CCDC12: variants seen among roughly 807,000 people sequenced by gnomAD.
CCDC12 encodes coiled-coil domain containing 12, also known as coiled-coil domain-containing protein 12.
In CCDC12, 28 loss-of-function variants were observed where a neutral mutation model predicts 25.7. The observed-to-expected ratio is 1.09, with a 90% CI of 0.81 to 1.50. The LOEUF (loss-of-function observed/expected upper bound fraction) is 1.50. Among genes scored for constraint, CCDC12 ranks in the 40% most tolerant of loss-of-function variants. The pLI is 0.00. For missense variants in CCDC12, 198 were observed against 210.0 expected (o/e 0.94, Z 0.35); for synonymous variants, 75 against 87.7 (o/e 0.86, Z 0.81).
intron 1 of CCDC12, among the ~76,000 whole-genome samples, chr3:46,970,468 T>C (rs1233980985): frequency 2.0e-5 from 3 of 152,206 alleles, no homozygotes; most frequent in Non-Finnish European, 2.9e-5. Context: ...AGGTGGCCCA[T>C]GGCTACAGTA....
At chr3:46,973,801 A>C (rs1370634768) in intron 1 of CCDC12, among the ~76,000 whole-genome samples, 1 of 151,874 alleles carries the variant, frequency 6.6e-6, no homozygotes, top group East Asian at 1.9e-4. Flanking sequence ...TTTAATAGAG[A>C]CAGGTTTTCA....
intron 1 of CCDC12, among the ~76,000 whole-genome samples, chr3:46,975,632 G>A (rs2034952071): frequency 6.9e-6 from 1 of 145,314 alleles, no homozygotes; most frequent in South Asian, 2.2e-4. Context: ...CTGGGTTGAC[G>A]CCATTCTCCT....
intron 1 of CCDC12, chr3:46,976,435 AC>A: frequency 7.1e-7 from 1 of 1,416,432 alleles, no homozygotes; most frequent in East Asian, 2.6e-5. Flanking sequence ...ATGCGCGACG[AC>A]CGCACCAGCG....
At chr3:46,933,361 G>A (rs990207450) in intron 2 of CCDC12, among the ~76,000 whole-genome samples, 4 of 152,198 alleles carry the variant, frequency 2.6e-5, no homozygotes, top group African/African-American at 4.8e-5. Context: ...GCCAGAGCTG[G>A]CTGGGGATGA....
At chr3:46,963,824 C>T (rs934031865) in intron 1 of CCDC12, among the ~76,000 whole-genome samples, 1 of 152,258 alleles carries the variant, frequency 6.6e-6, no homozygotes, top group South Asian at 2.1e-4. Flanking sequence ...ACCTCCCAGC[C>T]GCCTGCCTTG....
chr3:46,925,618 C>A (rs186172037), intron 2 of CCDC12, 83 bp from the exon 3 acceptor site: 2 of 1,160,666 alleles, frequency 1.7e-6, no homozygotes, highest in Non-Finnish European at 1.2e-6. Flanking sequence ...TTGCATAGCC[C>A]GTGAATTCCT....
intron 1 of CCDC12, among the ~76,000 whole-genome samples, chr3:46,951,798 A>AAAAAAAAAAAAAAAACTAT: frequency 1.2e-4 from 1 of 8,476 alleles, no homozygotes; most frequent in Non-Finnish European, 2.8e-4. Context: ...AAAAAAAAAA[A>AAAAAAAAAAAAAAAACTAT]ATATATATAT....
At chr3:46,927,990 G>A (rs149251750) in intron 2 of CCDC12, among the ~76,000 whole-genome samples, 2 of 152,230 alleles carry the variant, frequency 1.3e-5, no homozygotes, top group East Asian at 3.9e-4. Context: ...TTCCAACACA[G>A]GCCCAAGATT....
chr3:46,928,477 A>G (rs1311195767), intron 2 of CCDC12, among the ~76,000 whole-genome samples: 1 of 152,198 alleles, frequency 6.6e-6, no homozygotes, highest in Non-Finnish European at 1.5e-5. Flanking sequence ...TTGCCATTGA[A>G]CATAGTGGCA....
intron 1 of CCDC12, among the ~76,000 whole-genome samples, chr3:46,952,242 T>G (rs1170998027): frequency 6.6e-6 from 1 of 152,122 alleles, no homozygotes; most frequent in African/African-American, 2.4e-5. Context: ...CATGCTAACT[T>G]CCCATGTTAC....
At chr3:46,976,777 A>C (rs1184751548), upstream of CCDC12, 4 of 1,563,806 alleles carry the variant, frequency 2.6e-6, no homozygotes, top group East Asian at 4.8e-5. Flanking sequence ...TGCATCGCGC[A>C]GGCCTAAGGA....
At chr3:46,973,477 A>G (rs1172862168) in intron 1 of CCDC12, among the ~76,000 whole-genome samples, 1 of 151,252 alleles carries the variant, frequency 6.6e-6, no homozygotes, top group Non-Finnish European at 1.5e-5. Context: ...CCTGGGCAAC[A>G]AGAGCGAAAC....
At chr3:46,953,035 T>C (rs2034176913) in intron 1 of CCDC12, among the ~76,000 whole-genome samples, 1 of 152,168 alleles carries the variant, frequency 6.6e-6, no homozygotes, top group South Asian at 2.1e-4. Flanking sequence ...TGTCATCACA[T>C]GAGAGTTGAC....
chr3:46,922,025 C>T lies in CCDC12; in HGVS notation c.*32G>A. On this transcript the variant is annotated 3_prime_UTR_variant, in exon 7 of 7. Transcript: ENST00000683445. Reference sequence around the variant, plus strand: ...CCAAGACCATCCTCTGCAGGACAGGCCTGATGGGCGAGTGGTGGGGCAGGG... The same window carrying T: ...CCAAGACCATCCTCTGCAGGACAGGTCTGATGGGCGAGTGGTGGGGCAGGG... 1 of 1,610,728 alleles carries T rather than the reference C, an allele frequency of 6.2e-7. No individual in the cohort carries two copies. Among genetic ancestry groups the T allele is most frequent in the African/African-American group, 1.3e-5 (1 of 74,992 alleles).
chr3:46,930,928 C>G (rs2033184484), intron 2 of CCDC12, among the ~76,000 whole-genome samples: 1 of 152,230 alleles, frequency 6.6e-6, no homozygotes, highest in Non-Finnish European at 1.5e-5. Flanking sequence ...TCTTTCACAG[C>G]CTGCCCTAAA....
intron 2 of CCDC12, among the ~76,000 whole-genome samples, chr3:46,927,325 G>C (rs559757450): frequency 1.3e-5 from 2 of 152,308 alleles, no homozygotes; most frequent in African/African-American, 4.8e-5. Context: ...TTCACAACAG[G>C]GTGGGGAGAA....
chr3:46,928,253 T>C (rs1419108043), intron 2 of CCDC12, among the ~76,000 whole-genome samples: 1 of 150,064 alleles, frequency 6.7e-6, no homozygotes, highest in African/African-American at 2.5e-5. Flanking sequence ...AAAAAAAAAA[T>C]GTATATATAT....
rs145406927 is a variant in CCDC12, at chr3:46,967,599, A to C, written c.96+9038T>G. ...ACAGCCTCTCCCCAACACACACACC[A>C]CATTCCCAAGTTCCTGGGACACATA... is the stretch of plus-strand genomic sequence containing the variant. On this transcript the variant is annotated intron_variant, in intron 1 of 6. Coordinates refer to ENST00000683445, the MANE Select transcript of CCDC12 (RefSeq NM_001277074.2). 3.7e-3 allele frequency among the ~76,000 whole-genome samples: 561 copies of C among 152,200 alleles called. 4 individuals carry two copies. Among genetic ancestry groups the C allele is most frequent in the African/African-American group, 0.013 (536 of 41,492 alleles).
At chr3:46,957,704 G>A (rs879320581) in intron 1 of CCDC12, among the ~76,000 whole-genome samples, 4 of 152,146 alleles carry the variant, frequency 2.6e-5, no homozygotes, top group Non-Finnish European at 5.9e-5. Context: ...CACTTCAGGA[G>A]GCCAAGGTGG....
Sources: allele counts gnomAD v4.1 joint callset (sites outside exome capture counted in the v4.1 genomes callset), GRCh38; gene constraint gnomAD v4.1.1; transcripts MANE v1.5; gene names NCBI Gene and HGNC (gene_info 2026-07-23, HGNC 2026-07-21).